The following CAST variants were observed in gnomAD, a reference collection of about 807,000 sequenced individuals.
CAST encodes the protein calpastatin.
CAST carries 76 observed loss-of-function variants against 119.6 expected under a neutral mutation model. The ratio of observed to expected loss-of-function variants is 0.64; its 90% CI spans 0.53 to 0.77. The LOEUF (loss-of-function observed/expected upper bound fraction) is 0.77. Ranked by LOEUF, CAST falls within the 30% of genes least tolerant of loss-of-function variation. The probability of loss-of-function intolerance (pLI) is 0.00; values close to 1 mark genes in which losing one functional copy is unlikely to be tolerated. For missense variants in CAST, 953 were observed against 946.5 expected (o/e 1.01, Z -0.09); for synonymous variants, 319 against 331.6 (o/e 0.96, Z 0.41).
At chr5:96,403,539 CTTTGT>C in the CAST span, among the ~76,000 whole-genome samples, 1 of 152,274 alleles carries the variant, frequency 6.6e-6, no homozygotes, top group Non-Finnish European at 1.5e-5. Context: ...GACAGCCTTC[CTTTGT>C]TAATTTGTGC....
rs758143516 is a variant in CAST, at chr5:96,678,847, A to AAAAC, written c.138+3262_138+3265dup. Among the ~76,000 whole-genome samples the AAAAC allele has an allele frequency of 3.9e-5, 6 of 152,158 alleles. No homozygotes were observed. In the East Asian group the frequency reaches 9.7e-4, roughly 25 times the overall value. On this transcript the variant is annotated intron_variant, in intron 2 of 31. Coordinates refer to ENST00000675179, the MANE Select transcript of CAST (RefSeq NM_001750.7). ...GGGTGACAGAGCAAGATTCTGTCTCAAAACAAACAAACAAACAAAAACACA... is the reference window on the plus strand; with the variant it reads ...GGGTGACAGAGCAAGATTCTGTCTCAAAACAAACAAACAAACAAACAAAAACACA...
At chr5:96,289,459 CGTG>C in the CAST span, among the ~76,000 whole-genome samples, 1 of 152,046 alleles carries the variant, frequency 6.6e-6, no homozygotes, top group Admixed American at 6.5e-5. Context: ...ATACTGTTCT[CGTG>C]GTAGTGAATA....
chr5:96,451,539 C>A, the CAST span, among the ~76,000 whole-genome samples: 1 of 152,106 alleles, frequency 6.6e-6, no homozygotes, highest in Admixed American at 6.5e-5. Context: ...CCATAAAAAC[C>A]CTAGAAGAAA....
chr5:96,247,850 A>G, the CAST span: 1 of 152,286 alleles, frequency 6.6e-6, no homozygotes, highest in African/African-American at 2.4e-5. Context: ...CCCAGTCTCC[A>G]AAGAAAACTG....
chr5:96,345,840 C>A, the CAST span, among the ~76,000 whole-genome samples: 1 of 152,184 alleles, frequency 6.6e-6, no homozygotes, highest in Non-Finnish European at 1.5e-5. Flanking sequence ...GATGACACAG[C>A]TTGTTTCCAC....
At chr5:96,553,745 T>C (rs1746179674) in intron 1 of CAST, among the ~76,000 whole-genome samples, 1 of 152,142 alleles carries the variant, frequency 6.6e-6, no homozygotes, top group African/African-American at 2.4e-5. Flanking sequence ...TCACAAGCAT[T>C]CCTATACACC....
the CAST span, among the ~76,000 whole-genome samples, chr5:96,500,860 T>A: frequency 6.6e-6 from 1 of 152,146 alleles, no homozygotes; most frequent in Non-Finnish European, 1.5e-5. Context: ...TGGAAATAGA[T>A]GATGGAAAAG....
chr5:96,469,427 C>G, the CAST span, among the ~76,000 whole-genome samples: 2 of 151,956 alleles, frequency 1.3e-5, no homozygotes, highest in Admixed American at 1.3e-4. Flanking sequence ...TCTCCTTTCT[C>G]CTATAGGAAT....
intron 24 of CAST, among the ~76,000 whole-genome samples, chr5:96,760,234 A>G (rs1032896649): frequency 6.6e-6 from 1 of 152,038 alleles, no homozygotes; most frequent in African/African-American, 2.4e-5. Context: ...TACATAGAAT[A>G]TAACAAACAG....
At chr5:96,308,616 T>C in the CAST span, 1 of 152,154 alleles carries the variant, frequency 6.6e-6, no homozygotes, top group African/African-American at 2.4e-5. Context: ...TCTTTGATGT[T>C]GGTGACCTTT....
the CAST span, among the ~76,000 whole-genome samples, chr5:96,228,024 TGTGC>T: frequency 2.6e-5 from 4 of 151,222 alleles, no homozygotes; most frequent in Non-Finnish European, 5.9e-5. Flanking sequence ...TGTGTGTGTG[TGTGC>T]ACGCACATGT....
the CAST span, among the ~76,000 whole-genome samples, chr5:96,360,258 C>T: frequency 1.3e-5 from 2 of 152,042 alleles, no homozygotes; most frequent in Admixed American, 1.3e-4. Flanking sequence ...AGGTTCTTAG[C>T]CTCCTTGCAT....
the CAST span, among the ~76,000 whole-genome samples, chr5:96,258,701 A>G: frequency 6.6e-6 from 1 of 152,222 alleles, no homozygotes; most frequent in South Asian, 2.1e-4. Context: ...ATATCTTGAC[A>G]TATTACTTTG....
chr5:96,154,300 A>C, the CAST span, among the ~76,000 whole-genome samples: 5 of 151,764 alleles, frequency 3.3e-5, no homozygotes, highest in East Asian at 1.9e-4. Context: ...CAAAAAAAAA[A>C]CAAAAAAAAA....
chr5:96,612,784 T>A (rs1350893635), intron 1 of CAST, among the ~76,000 whole-genome samples: 1 of 152,242 alleles, frequency 6.6e-6, no homozygotes, highest in Admixed American at 6.5e-5. Flanking sequence ...TTGCTTTAGA[T>A]GTTTAGATCT....
chr5:96,161,931 T>G, the CAST span, among the ~76,000 whole-genome samples: 1 of 152,222 alleles, frequency 6.6e-6, no homozygotes, highest in African/African-American at 2.4e-5. Flanking sequence ...TGCTAGCAGA[T>G]AGAAATACGA....
At chr5:96,283,045 G>A in the CAST span, among the ~76,000 whole-genome samples, 1 of 149,512 alleles carries the variant, frequency 6.7e-6, no homozygotes, top group African/African-American at 2.5e-5. Flanking sequence ...CAGGAGAATG[G>A]CGTGAACCCG....
At chr5:96,227,427 T>C in the CAST span, among the ~76,000 whole-genome samples, 5 of 152,168 alleles carry the variant, frequency 3.3e-5, no homozygotes, top group Non-Finnish European at 7.3e-5. Context: ...CTGTAGACAG[T>C]GTTCTTAAAC....
upstream of CAST, among the ~76,000 whole-genome samples, chr5:96,528,042 T>C (rs137949676): frequency 5.3e-5 from 8 of 152,270 alleles, no homozygotes; most frequent in East Asian, 1.5e-3. Context: ...GTTGCCACAG[T>C]TTTAAGAAGT....
Sources: gnomAD v4.1 joint callset for allele counts (sites outside exome capture counted in the v4.1 genomes callset) on GRCh38, gnomAD v4.1.1 for gene constraint, MANE v1.5 for transcripts, NCBI Gene and HGNC (gene_info 2026-07-23, HGNC 2026-07-21) for gene names.